NRG3: variants seen among roughly 807,000 people sequenced by gnomAD.
NRG3 encodes the protein neuregulin 3.
In NRG3, 31 loss-of-function variants were observed where a neutral mutation model predicts 66.9. The ratio of observed to expected loss-of-function variants is 0.46; its 90% CI spans 0.35 to 0.63. The LOEUF (loss-of-function observed/expected upper bound fraction) is 0.63, where lower values mean the gene tolerates loss of function less well. NRG3 is among the 20% of genes least tolerant of loss of function. The pLI, the probability that NRG3 is intolerant of heterozygous loss-of-function variation, is 0.00. For synonymous variants in NRG3, 393 were observed against 359.4 expected, an observed-to-expected ratio of 1.09 and a Z score of -1.06; for missense variants, 910 against 878.9, an observed-to-expected ratio of 1.04 and a Z score of -0.45.
At chr10:82,654,797 A>G (rs2051712058) in intron 2 of NRG3, among the ~76,000 whole-genome samples, 1 of 152,172 alleles carries the variant, frequency 6.6e-6, no homozygotes, top group Non-Finnish European at 1.5e-5. Flanking sequence ...TAAACATTAT[A>G]GGAAATAATT....
intron 1 of NRG3, among the ~76,000 whole-genome samples, chr10:82,260,710 TA>T (rs1194731685): frequency 6.6e-6 from 1 of 152,116 alleles, no homozygotes; most frequent in African/African-American, 2.4e-5. Flanking sequence ...AGGGAGATAG[TA>T]AATCTATTAA....
chr10:82,434,024 A>G (rs1014270377), intron 2 of NRG3, among the ~76,000 whole-genome samples: 1 of 152,164 alleles, frequency 6.6e-6, no homozygotes, highest in Non-Finnish European at 1.5e-5. Flanking sequence ...CATTGAATCT[A>G]TAAATTGCTT....
chr10:82,447,814 T>C (rs1184471150), intron 2 of NRG3, among the ~76,000 whole-genome samples: 2 of 152,198 alleles, frequency 1.3e-5, no homozygotes, highest in Non-Finnish European at 2.9e-5. Flanking sequence ...TGGGGAATTT[T>C]TCAATGAATA....
At chr10:81,975,317 C>T (rs1383264478) in intron 1 of NRG3, among the ~76,000 whole-genome samples, 1 of 7,470 alleles carries the variant, frequency 1.3e-4, no homozygotes, top group Non-Finnish European at 2.5e-4. Flanking sequence ...TGTGTAACAT[C>T]TATCTATCTA....
intron 1 of NRG3, among the ~76,000 whole-genome samples, chr10:82,305,972 T>C (rs2080700835): frequency 6.6e-6 from 1 of 152,218 alleles, no homozygotes; most frequent in South Asian, 2.1e-4. Context: ...GAAGCTATTC[T>C]AGGCTGAGAG....
At chr10:82,708,353 T>C (rs1307750952) in intron 2 of NRG3, among the ~76,000 whole-genome samples, 1 of 152,172 alleles carries the variant, frequency 6.6e-6, no homozygotes, top group Non-Finnish European at 1.5e-5. Flanking sequence ...GGTGCAGATT[T>C]GTTACATGAG....
At chr10:82,450,093 T>C (rs536312030) in intron 2 of NRG3, among the ~76,000 whole-genome samples, 1 of 152,352 alleles carries the variant, frequency 6.6e-6, no homozygotes, top group African/African-American at 2.4e-5. Context: ...TTTACTTTTA[T>C]ACATCAAGTT....
At chr10:82,294,292 C>T (rs1219805851) in intron 1 of NRG3, among the ~76,000 whole-genome samples, 1 of 152,182 alleles carries the variant, frequency 6.6e-6, no homozygotes, top group Non-Finnish European at 1.5e-5. Flanking sequence ...TGGATTGATC[C>T]GAGGTGAATA....
At chr10:82,885,536 T>C (rs1254918945) in intron 4 of NRG3, among the ~76,000 whole-genome samples, 1 of 152,206 alleles carries the variant, frequency 6.6e-6, no homozygotes, top group Non-Finnish European at 1.5e-5. Flanking sequence ...AAGCTTCTGG[T>C]TATGTAAAAG....
chr10:82,864,324 T>A (rs1026199664), intron 3 of NRG3, among the ~76,000 whole-genome samples: 41 of 152,152 alleles, frequency 2.7e-4, no homozygotes, highest in African/African-American at 5.8e-4. Context: ...ATATATATAT[T>A]TTTTTCCAAA....
At chr10:81,894,256 G>A (rs186797409) in intron 1 of NRG3, among the ~76,000 whole-genome samples, 1 of 152,220 alleles carries the variant, frequency 6.6e-6, no homozygotes, top group Non-Finnish European at 1.5e-5. Flanking sequence ...CAGGAGAATC[G>A]CTTGAACCCA....
At chr10:82,377,429 T>TGC (rs2085314671) in intron 2 of NRG3, among the ~76,000 whole-genome samples, 1 of 118,340 alleles carries the variant, frequency 8.5e-6, no homozygotes, top group African/African-American at 5.7e-5. Context: ...TATGTGTGTG[T>TGC]GTGCGCGTGT....
rs375594412 is a variant in NRG3, at chr10:82,686,026, A to G, written c.954-52551A>G. On this transcript the variant is annotated intron_variant, in intron 2 of 8. Coordinates refer to ENST00000372141, the MANE Select transcript of NRG3 (RefSeq NM_001010848.4). ...TGCCTGAGGCTATTTTACAGTTAAC[A>G]TTTTTTCTTTTAATACCGTGTACTC... Among the ~76,000 whole-genome samples, 476 of 152,140 alleles carry G rather than the reference A, an allele frequency of 3.1e-3. 1 individual carries two copies. The highest frequency in any genetic ancestry group is 0.011 in the African/African-American group (455 of 41,512).
intron 2 of NRG3, among the ~76,000 whole-genome samples, chr10:82,506,025 A>T (rs1173679784): frequency 6.6e-6 from 1 of 152,190 alleles, no homozygotes; most frequent in East Asian, 1.9e-4. Context: ...AGGCAGGCGG[A>T]CCACAATGTC....
intron 1 of NRG3, among the ~76,000 whole-genome samples, chr10:82,341,988 C>T (rs1234355013): frequency 1.3e-5 from 2 of 151,748 alleles, no homozygotes; most frequent in East Asian, 1.9e-4. Context: ...CCTTGAGAGT[C>T]CTAGATTTCA....
At chr10:81,987,730 T>C (rs945988364) in intron 1 of NRG3, among the ~76,000 whole-genome samples, 1 of 152,248 alleles carries the variant, frequency 6.6e-6, no homozygotes, top group African/African-American at 2.4e-5. Context: ...CAGAAGCTAC[T>C]AATAATAAGC....
chr10:82,204,192 G>A (rs535037859), intron 1 of NRG3, among the ~76,000 whole-genome samples: 1 of 152,226 alleles, frequency 6.6e-6, no homozygotes, highest in East Asian at 1.9e-4. Flanking sequence ...CTGAGGGGCT[G>A]GCAGGATATA....
chr10:82,503,900 T>C (rs1047852898), intron 2 of NRG3, among the ~76,000 whole-genome samples: 1 of 152,052 alleles, frequency 6.6e-6, no homozygotes, highest in Non-Finnish European at 1.5e-5. Context: ...TGTAGTGGGG[T>C]GTACTTTAAA....
chr10:82,263,856 T>A (rs2078161416), intron 1 of NRG3, among the ~76,000 whole-genome samples: 1 of 152,236 alleles, frequency 6.6e-6, no homozygotes, highest in African/African-American at 2.4e-5. Context: ...GCAAATGTTG[T>A]TGCTTTTAAA....
Sources: gnomAD v4.1 joint callset for allele counts (sites outside exome capture counted in the v4.1 genomes callset) on GRCh38, gnomAD v4.1.1 for gene constraint, MANE v1.5 for transcripts, NCBI Gene and HGNC (gene_info 2026-07-23, HGNC 2026-07-21) for gene names.